The following TAFA2 variants were observed in gnomAD, a reference collection of about 807,000 sequenced individuals.
TAFA2 encodes TAFA chemokine like family member 2.
A neutral mutation model predicts 18.8 loss-of-function variants in TAFA2; 7 were observed. That is an observed-to-expected ratio of 0.37 (90% CI 0.21 to 0.70). TAFA2 has a LOEUF of 0.70. Ranked by LOEUF, TAFA2 falls within the 30% of genes least tolerant of loss-of-function variation. TAFA2 has a pLI of 0.53. For synonymous variants in TAFA2, 60 were observed against 54.2 expected, an observed-to-expected ratio of 1.11 and a Z score of -0.47; for missense variants, 122 against 158.1, an observed-to-expected ratio of 0.77 and a Z score of 1.23.
At chr12:61,835,392 A>T (rs899688274) in intron 2 of TAFA2, among the ~76,000 whole-genome samples, 9 of 151,936 alleles carry the variant, frequency 5.9e-5, no homozygotes, top group African/African-American at 2.2e-4. Flanking sequence ...TTTACTTTAG[A>T]TTCAAGGGGT....
Position 62,064,556 on chromosome 12 carries a change from C to T in TAFA2, c.-2+126703G>A, listed in dbSNP as rs139629355. On this transcript the variant is annotated intron_variant, in intron 1 of 4. Transcript: ENST00000416284. ...TACACCACTCAAATCTGTTGGACTTCGGTTTTCAAATTTCCTCCAGAACCA... is the reference window on the plus strand; with the variant it reads ...TACACCACTCAAATCTGTTGGACTTTGGTTTTCAAATTTCCTCCAGAACCA... 5.4e-3 allele frequency among the ~76,000 whole-genome samples: 818 copies of T among 152,162 alleles called. 6 individuals carry two copies. Among genetic ancestry groups the T allele is most frequent in the Non-Finnish European group, 8.7e-3 (588 of 67,950 alleles).
At chr12:62,101,822 T>C (rs1247608124) in intron 1 of TAFA2, among the ~76,000 whole-genome samples, 1 of 152,096 alleles carries the variant, frequency 6.6e-6, no homozygotes, top group Non-Finnish European at 1.5e-5. Flanking sequence ...TAGCCAATGG[T>C]ATATTGAAAT....
intron 2 of TAFA2, among the ~76,000 whole-genome samples, chr12:61,767,711 C>T (rs1278610170): frequency 1.3e-5 from 2 of 151,912 alleles, no homozygotes; most frequent in Admixed American, 1.3e-4. Context: ...CATCCAGGTT[C>T]TGAGTGTCAC....
At chr12:61,759,282 T>C (rs1355132998) in intron 2 of TAFA2, among the ~76,000 whole-genome samples, 1 of 152,090 alleles carries the variant, frequency 6.6e-6, no homozygotes, top group African/African-American at 2.4e-5. Context: ...ACGAAGGTTG[T>C]ACTGTACTTC....
At chr12:62,105,752 G>C (rs761726673) in intron 1 of TAFA2, among the ~76,000 whole-genome samples, 1 of 152,106 alleles carries the variant, frequency 6.6e-6, no homozygotes, top group Non-Finnish European at 1.5e-5. Flanking sequence ...ACCATCTAAT[G>C]TTAGCATTAA....
At chr12:62,184,330 T>C (rs79383673) in intron 1 of TAFA2, among the ~76,000 whole-genome samples, 8,284 of 152,092 alleles carry the variant, frequency 0.054, 278 homozygotes, top group African/African-American at 0.084. Context: ...ACAGATTACT[T>C]ATCTATTGGA....
At chr12:62,020,035 T>C (rs1881077974) in intron 1 of TAFA2, among the ~76,000 whole-genome samples, 8 of 152,190 alleles carry the variant, frequency 5.3e-5, no homozygotes. Flanking sequence ...TCACTATAAA[T>C]ATTGAAAGAC....
chr12:62,101,365 A>G (rs1440682876), intron 1 of TAFA2, among the ~76,000 whole-genome samples: 2 of 152,186 alleles, frequency 1.3e-5, no homozygotes, highest in South Asian at 2.1e-4. Context: ...TCTCTGATCC[A>G]TAACCATGTC....
chr12:61,867,474 T>G (rs372001500), intron 1 of TAFA2, 48 bp from the exon 2 acceptor site: 20 of 1,155,060 alleles, frequency 1.7e-5, no homozygotes, highest in Non-Finnish European at 2.6e-5. Context: ...AATTCATAGC[T>G]TTTCCCTTAT....
chr12:61,951,464 C>G (rs965485821), intron 1 of TAFA2, among the ~76,000 whole-genome samples: 1 of 152,038 alleles, frequency 6.6e-6, no homozygotes. Flanking sequence ...GCAATAAATG[C>G]GCACCTATAT....
chr12:61,788,917 A>G (rs933986680), intron 2 of TAFA2, among the ~76,000 whole-genome samples: 5 of 151,798 alleles, frequency 3.3e-5, no homozygotes, highest in African/African-American at 1.2e-4. Context: ...TTCTATTAAC[A>G]AAAGCCATAT....
chr12:62,085,402 C>T lies in TAFA2; in HGVS notation c.-2+105857G>A, dbSNP rs188784447. Among the ~76,000 whole-genome samples, 24 of 152,148 alleles carry T rather than the reference C, an allele frequency of 1.6e-4. 1 individual carries two copies. In the South Asian group the frequency reaches 4.2e-3, roughly 26 times the overall value. On this transcript the variant is annotated intron_variant, in intron 1 of 4. Transcript: ENST00000416284. ...TTCTAGGAGTATAACTTGTAGACCA[C>T]GTGTTTACAAAAGAAGCAAAAGTAG...
intron 1 of TAFA2, among the ~76,000 whole-genome samples, chr12:62,161,034 A>G (rs76201839): frequency 0.044 from 6,654 of 152,318 alleles, 474 homozygotes; most frequent in African/African-American, 0.15. Context: ...TATGACAATT[A>G]AAGATACGGT....
chr12:61,746,444 C>T (rs898442880), intron 4 of TAFA2, among the ~76,000 whole-genome samples: 2 of 152,074 alleles, frequency 1.3e-5, no homozygotes, highest in African/African-American at 2.4e-5. Flanking sequence ...CTCAGTCCTA[C>T]ATTTGCAAAC....
chr12:61,836,461 C>A (rs1872923431), intron 2 of TAFA2, among the ~76,000 whole-genome samples: 1 of 151,658 alleles, frequency 6.6e-6, no homozygotes, highest in Non-Finnish European at 1.5e-5. Context: ...AGACAAAAGG[C>A]CTTAGCCTTC....
Position 62,082,194 on chromosome 12 carries a change from T to C in TAFA2, c.-2+109065A>G, listed in dbSNP as rs147487123. 7.0e-3 allele frequency among the ~76,000 whole-genome samples: 1,068 copies of C among 152,320 alleles called. 18 individuals are homozygous for C. The highest frequency in any genetic ancestry group is 0.024 in the African/African-American group (1,013 of 41,570). ...AAATTTTCTTTTATCCAGACTATCA[T>C]TGATGGACATTTAGGTTGATTCTAT... is the stretch of plus-strand genomic sequence containing the variant. On this transcript the variant is annotated intron_variant, in intron 1 of 4. Transcript: ENST00000416284.
At position 62,052,182 on chromosome 12, in the gene TAFA2, A is replaced by G. The variant is rs552030872; in HGVS notation, c.-2+139077T>C. On this transcript the variant is annotated intron_variant, in intron 1 of 4. Coordinates refer to ENST00000416284, the MANE Select transcript of TAFA2 (RefSeq NM_178539.5). ...CCTTCTCCTTCTTTTGTGTGTGTGCATGTGTGCATGCGTGCGTGTGTGCAT... is the reference window on the plus strand; with the variant it reads ...CCTTCTCCTTCTTTTGTGTGTGTGCGTGTGTGCATGCGTGCGTGTGTGCAT... Among the ~76,000 whole-genome samples, 8 of 50,938 alleles carry G rather than the reference A, an allele frequency of 1.6e-4. No homozygotes were observed. In the South Asian group the frequency reaches 4.1e-3, roughly 26 times the overall value. 33.4% of individuals were successfully genotyped at this position (50,938 alleles called of 152,430 possible). A position where few individuals can be genotyped will look rare whatever the true frequency, so the allele number is the denominator to read the frequency against.
intron 1 of TAFA2, among the ~76,000 whole-genome samples, chr12:62,147,457 A>G (rs551937105): frequency 1.9e-4 from 28 of 149,424 alleles, no homozygotes; most frequent in East Asian, 9.8e-4. Context: ...TCGGCCGGGC[A>G]TGGTGGCTCA....
At chr12:61,783,491 CTTGAAT>C (rs1870595435) in intron 2 of TAFA2, among the ~76,000 whole-genome samples, 2 of 151,536 alleles carry the variant, frequency 1.3e-5, no homozygotes, top group South Asian at 4.1e-4. Context: ...ATAGGAATTT[CTTGAAT>C]TTGGCACAGA....
Sources: allele counts gnomAD v4.1 joint callset (sites outside exome capture counted in the v4.1 genomes callset), GRCh38; gene constraint gnomAD v4.1.1; transcripts MANE v1.5; gene names NCBI Gene and HGNC (gene_info 2026-07-23, HGNC 2026-07-21).